IAH1: variants seen among roughly 807,000 people sequenced by gnomAD.
IAH1 encodes the protein isoamyl acetate-hydrolyzing esterase 1 homolog.
Under a neutral mutation model 26.7 loss-of-function variants are expected in IAH1, and 24 were observed. That is an observed-to-expected ratio of 0.90 (90% CI 0.65 to 1.26). The LOEUF (loss-of-function observed/expected upper bound fraction) is 1.26, where lower values mean the gene tolerates loss of function less well. Ranked by LOEUF, IAH1 falls within the 50% of genes most tolerant of loss-of-function variation. The pLI is 0.00. For missense variants in IAH1, 300 were observed against 299.9 expected, an observed-to-expected ratio of 1.00 and a Z score of 0.00; for synonymous variants, 140 against 118.5, an observed-to-expected ratio of 1.18 and a Z score of -1.18.
At chr2:9,484,805 A>C (rs1234301308) in intron 5 of IAH1, 1 of 393,936 alleles carries the variant, frequency 2.5e-6, no homozygotes, top group African/African-American at 2.0e-5. Flanking sequence ...CACATGGCTC[A>C]TATTTATGAA....
At chr2:9,481,241 A>C (rs369995296) in intron 3 of IAH1, 45 bp from the exon 4 acceptor site, 18 of 1,598,842 alleles carry the variant, frequency 1.1e-5, no homozygotes, top group Non-Finnish European at 1.4e-5. Context: ...ATTGTCACTT[A>C]TAATAAATAT....
chr2:9,489,335 A>G lies in IAH1; in HGVS notation c.*1006A>G, dbSNP rs935545225. On this transcript the variant is annotated 3_prime_UTR_variant, in exon 6 of 6. Transcript: ENST00000497473. Reference sequence around the variant, plus strand: ...GGCTGGAGTGTAGTGGCGCAACCTCAGCCTCTCCAAGTGCTGGGATTACAG... The same window carrying G: ...GGCTGGAGTGTAGTGGCGCAACCTCGGCCTCTCCAAGTGCTGGGATTACAG... 4 of 139,932 alleles carry G rather than the reference A, an allele frequency of 2.9e-5. No individual in the cohort carries two copies. Among genetic ancestry groups the G allele is most frequent in the Non-Finnish European group, 6.0e-5 (4 of 66,862 alleles). The allele number at this position is 139,932 out of a possible 1,614,324, so 8.7% of individuals were successfully genotyped here. A position where few individuals can be genotyped will look rare whatever the true frequency, so the allele number is the denominator to read the frequency against.
At position 9,475,153 on chromosome 2, in the gene IAH1, A is replaced by G. The variant is rs1682409439; in HGVS notation, c.81+506A>G. On this transcript the variant is annotated intron_variant, in intron 1 of 5. Coordinates refer to ENST00000497473, the MANE Select transcript of IAH1 (RefSeq NM_001039613.3). The stretch of plus-strand genomic sequence containing the variant: ...AAAACGCCTTCAGGAATTAGGTAGA[A>G]AAGGACCATCCGTTCATCCAAGATC... 4 of 1,286,234 alleles carry G rather than the reference A, an allele frequency of 3.1e-6. No homozygotes were observed. In the South Asian group the frequency reaches 3.7e-5, roughly 12 times the overall value. 79.7% of individuals were successfully genotyped at this position (1,286,234 alleles called of 1,614,324 possible).
Position 9,489,192 on chromosome 2 carries a change from C to T in IAH1, c.*863C>T, listed in dbSNP as rs1160411672. On this transcript the variant is annotated 3_prime_UTR_variant, in exon 6 of 6. Transcript: ENST00000497473. ...TTGTTGTTAAGAAATATCTCACCCT[C>T]TTATTCAATAGTGTTTGAAAACAGG... 6 of 149,224 alleles carry T rather than the reference C, an allele frequency of 4.0e-5. No individual in the cohort carries two copies. The highest frequency in any genetic ancestry group is 1.5e-4 in the African/African-American group (6 of 39,952). 9.2% of individuals were successfully genotyped at this position (149,224 alleles called of 1,614,324 possible).
chr2:9,480,579 G>A (rs924861991), intron 3 of IAH1, among the ~76,000 whole-genome samples: 2 of 152,150 alleles, frequency 1.3e-5, no homozygotes, highest in South Asian at 4.1e-4. Context: ...TTTTAAAAGT[G>A]TATGTATCTT....
chr2:9,504,763 G>GA, the IAH1 span, among the ~76,000 whole-genome samples: 466 of 117,722 alleles, frequency 4.0e-3, 1 homozygote, highest in East Asian at 9.3e-3. Flanking sequence ...TCTGTCTCAG[G>GA]AAAAAAAAAA....
chr2:9,475,976 T>G lies in IAH1; in HGVS notation c.82-11T>G, dbSNP rs200058474. On this transcript the variant is annotated splice_polypyrimidine_tract_variant and intron_variant, in intron 1 of 5. Transcript: ENST00000497473. ...GTCATTAGTAGTAATAATGGGCTTT[T>G]CTTCCTCCAGTTTTCCTTCCAGCAG... 7.4e-6 allele frequency: 12 copies of G among 1,613,118 alleles called. No homozygotes were observed. In the African/African-American group the frequency reaches 1.6e-4, roughly 22 times the overall value.
chr2:9,474,248 A>G (rs1230053606), upstream of IAH1, among the ~76,000 whole-genome samples: 1 of 150,982 alleles, frequency 6.6e-6, no homozygotes, highest in Non-Finnish European at 1.5e-5. This position sits in a 1 kb window ranked among gnomAD's most constrained non-coding sequence, Gnocchi z 4.3. Flanking sequence ...GCGCGTCCTG[A>G]GGTCACACTC....
In IAH1 at chr2:9,478,407, A is replaced by G. The variant is rs756835367; in HGVS notation, c.283+37A>G. ...TTTGATGTTCTTCTAGCTCACTTTT[A>G]ATCATTTTTATGTTACAGCAAACTT... On this transcript the variant is annotated intron_variant, in intron 3 of 5. Transcript: ENST00000497473. 4.1e-5 allele frequency: 63 copies of G among 1,536,422 alleles called. No individual in the cohort carries two copies. In the Admixed American group the frequency reaches 1.3e-3, roughly 31 times the overall value.
chr2:9,506,170 A>T, the IAH1 span, among the ~76,000 whole-genome samples: 1 of 152,184 alleles, frequency 6.6e-6, no homozygotes, highest in South Asian at 2.1e-4. Context: ...TGCTCTGCAG[A>T]TGCCAAAATG....
downstream of IAH1, chr2:9,493,755 T>C (rs140933944): frequency 4.7e-5 from 76 of 1,613,550 alleles, no homozygotes; most frequent in Admixed American, 1.3e-4. Context: ...ACCAAAAGTA[T>C]TGATGCTCAG....
chr2:9,493,017 GA>G (rs1356128035), downstream of IAH1: 1 of 1,541,126 alleles, frequency 6.5e-7, no homozygotes, highest in Non-Finnish European at 8.9e-7. Context: ...TTAATGTCTT[GA>G]CCAAGTACTT....
At chr2:9,478,425 G>A (rs1660955015) in intron 3 of IAH1, 55 bp downstream of exon 3, 16 of 1,463,238 alleles carry the variant, frequency 1.1e-5, no homozygotes, top group Non-Finnish European at 1.5e-5. Flanking sequence ...TTATGTTACA[G>A]CAAACTTGCA....
At chr2:9,484,604 C>A (rs1661371610) in intron 5 of IAH1, 54 bp downstream of exon 5, 1 of 1,208,018 alleles carries the variant, frequency 8.3e-7, no homozygotes, top group Non-Finnish European at 1.2e-6. Flanking sequence ...CAGAAGTAAA[C>A]CAGGTGTGTG....
intron 3 of IAH1, among the ~76,000 whole-genome samples, chr2:9,479,659 G>A (rs1361800311): frequency 1.3e-5 from 2 of 152,122 alleles, no homozygotes; most frequent in Non-Finnish European, 2.9e-5. Context: ...TTACATTCCT[G>A]GTGAGAGAAT....
At chr2:9,474,524 C>T (rs775707138), upstream of IAH1, 31 of 1,326,740 alleles carry the variant, frequency 2.3e-5, no homozygotes, top group Admixed American at 8.2e-4. This position sits in a 1 kb window ranked among gnomAD's most constrained non-coding sequence, Gnocchi z 4.3. Context: ...GCGCAGGCGC[C>T]TCTCGTGGCT....
At chr2:9,503,636 C>T in the IAH1 span, among the ~76,000 whole-genome samples, 5 of 151,948 alleles carry the variant, frequency 3.3e-5, no homozygotes, top group East Asian at 5.8e-4. Context: ...GTCAGGAGTT[C>T]GAGACCAGCC....
the IAH1 span, among the ~76,000 whole-genome samples, chr2:9,509,481 T>C: frequency 6.6e-5 from 10 of 152,156 alleles, no homozygotes; most frequent in Non-Finnish European, 1.3e-4. Flanking sequence ...TACTAGGCAC[T>C]GGAGATAGAG....
chr2:9,490,434 G>T (rs765817788), downstream of IAH1: 17 of 1,614,228 alleles, frequency 1.1e-5, no homozygotes, highest in Admixed American at 1.7e-5. Flanking sequence ...GGGGCAGGCT[G>T]CAGGCGGCCT....
Sources: gnomAD v4.1 joint callset for allele counts (sites outside exome capture counted in the v4.1 genomes callset) on GRCh38, gnomAD v4.1.1 for gene constraint, Gnocchi (gnomAD v3.1) non-coding constraint, MANE v1.5 for transcripts, NCBI Gene and HGNC (gene_info 2026-07-23, HGNC 2026-07-21) for gene names.